The following GPC6 variants were observed in gnomAD, a reference collection of about 807,000 sequenced individuals.
GPC6 encodes glypican 6, also known as glypican-6.
Under a neutral mutation model 55.2 loss-of-function variants are expected in GPC6, and 14 were observed. The observed-to-expected ratio is 0.25, with a 90% CI of 0.17 to 0.40. The LOEUF is 0.40. GPC6 is among the 10% of genes least tolerant of loss of function. The pLI is 1.00. For missense variants in GPC6, 641 were observed against 708.5 expected (o/e 0.90, Z 1.08); for synonymous variants, 278 against 259.6 (o/e 1.07, Z -0.68).
At chr13:93,774,533 G>C (rs1013352604) in intron 2 of GPC6, among the ~76,000 whole-genome samples, 2 of 152,088 alleles carry the variant, frequency 1.3e-5, no homozygotes, top group Admixed American at 6.6e-5. Flanking sequence ...CTTAATGACA[G>C]AATTAGTAAA....
chr13:93,773,330 C>G (rs1391736067), intron 2 of GPC6, among the ~76,000 whole-genome samples: 1 of 152,076 alleles, frequency 6.6e-6, no homozygotes, highest in Non-Finnish European at 1.5e-5. Flanking sequence ...GCATATATGT[C>G]ATAATCTTAG....
At chr13:94,013,740 G>A (rs1882345135) in intron 3 of GPC6, among the ~76,000 whole-genome samples, 1 of 152,192 alleles carries the variant, frequency 6.6e-6, no homozygotes, top group Admixed American at 6.5e-5. Flanking sequence ...ACATAGGACT[G>A]GCAGGAACAG....
chr13:94,141,997 C>T lies in GPC6; in HGVS notation c.877+114103C>T, dbSNP rs183513616. ...GATGAAAACTGACCTTTTTTTTTTC[C>T]GTGTGTGTGTGTGTGATTCTGTATC... On this transcript the variant is annotated intron_variant, in intron 4 of 8. Transcript: ENST00000377047. 2.7e-3 allele frequency among the ~76,000 whole-genome samples: 402 copies of T among 149,300 alleles called. 2 individuals carry two copies. The highest frequency in any genetic ancestry group is 4.1e-3 in the Non-Finnish European group (274 of 67,198).
intron 1 of GPC6, among the ~76,000 whole-genome samples, chr13:93,544,514 C>T (rs1874652236): frequency 6.6e-6 from 1 of 152,178 alleles, no homozygotes; most frequent in African/African-American, 2.4e-5. Context: ...TGGAAATTCA[C>T]ATTTTATGCA....
chr13:93,525,291 C>T (rs1881603553), intron 1 of GPC6, among the ~76,000 whole-genome samples: 1 of 152,084 alleles, frequency 6.6e-6, no homozygotes, highest in South Asian at 2.1e-4. Context: ...CATTTGCTCT[C>T]CACTGTGCTT....
intron 3 of GPC6, among the ~76,000 whole-genome samples, chr13:93,940,742 G>A (rs988086828): frequency 2.6e-5 from 4 of 152,080 alleles, no homozygotes; most frequent in African/African-American, 7.2e-5. Flanking sequence ...TTAACTTCTA[G>A]GTAGAATAAA....
chr13:93,602,014 A>G (rs1240620633), intron 2 of GPC6, among the ~76,000 whole-genome samples: 1 of 152,210 alleles, frequency 6.6e-6, no homozygotes, highest in Non-Finnish European at 1.5e-5. Flanking sequence ...AGGTTTGGGA[A>G]AGTTAATGGC....
chr13:93,300,509 G>A (rs531204122), intron 1 of GPC6, among the ~76,000 whole-genome samples: 15 of 151,880 alleles, frequency 9.9e-5, no homozygotes, highest in South Asian at 2.1e-4. Context: ...TTAGCCGGGC[G>A]TGGTGGCGGG....
chr13:94,330,491 G>T (rs1877353418), intron 6 of GPC6, among the ~76,000 whole-genome samples: 1 of 152,190 alleles, frequency 6.6e-6, no homozygotes, highest in Non-Finnish European at 1.5e-5. Context: ...GCATGTCCTT[G>T]GGGTGCAGCC....
chr13:93,700,225 A>G (rs566361444), intron 2 of GPC6, among the ~76,000 whole-genome samples: 1 of 152,262 alleles, frequency 6.6e-6, no homozygotes, highest in East Asian at 1.9e-4. Context: ...TTATCCTAGC[A>G]CACTGGTCAG....
chr13:93,569,370 A>G (rs1854362690), intron 2 of GPC6, among the ~76,000 whole-genome samples: 2 of 152,172 alleles, frequency 1.3e-5, no homozygotes, highest in South Asian at 4.1e-4. Flanking sequence ...CTTAGTTTAC[A>G]CACTTGTCAC....
At chr13:93,986,825 T>C (rs1881052413) in intron 3 of GPC6, among the ~76,000 whole-genome samples, 1 of 152,206 alleles carries the variant, frequency 6.6e-6, no homozygotes, top group Non-Finnish European at 1.5e-5. Context: ...GTTAATATTT[T>C]ACATGCTATT....
chr13:93,418,112 T>G (rs1164628110), intron 1 of GPC6, among the ~76,000 whole-genome samples: 2 of 152,000 alleles, frequency 1.3e-5, no homozygotes, highest in Admixed American at 1.3e-4. Flanking sequence ...AATTTTTAAT[T>G]TTAGTATTTA....
chr13:93,531,336 A>G lies in GPC6; in HGVS notation c.161-13927A>G, dbSNP rs142039157. ...AGGCTTTATTTTAAGGAATTGGCTC[A>G]TGTGGTGTAAGACTGTGAGACTGGC... On this transcript the variant is annotated intron_variant, in intron 1 of 8. Coordinates refer to ENST00000377047, the MANE Select transcript of GPC6 (RefSeq NM_005708.5). Among the ~76,000 whole-genome samples the G allele has an allele frequency of 2.1e-3, 318 of 152,202 alleles. 1 individual carries two copies. The highest frequency in any genetic ancestry group is 4.4e-3 in the South Asian group (21 of 4,824).
chr13:93,830,239 T>C lies in GPC6; in HGVS notation c.405T>C (p.Asn135=). ...VRTYGMLYMQ[N]SEVFQDLFTE... is the part of the protein sequence containing the mutation. ...CCTATGGCATGCTGTACATGCAGAA[T>C]TCAGAAGTCTTCCAGGACCTCTTCA... The change falls in exon 3 of 9, where the codon AAT becomes AAC. Residue 135 remains asparagine, a synonymous_variant. Transcript: ENST00000377047. 1 of 1,610,296 alleles carries C rather than the reference T, an allele frequency of 6.2e-7. No individual in the cohort carries two copies. Among genetic ancestry groups the C allele is most frequent in the Non-Finnish European group, 8.5e-7 (1 of 1,177,374 alleles).
chr13:94,009,039 ATTGAG>A (rs1171314469), intron 3 of GPC6, among the ~76,000 whole-genome samples: 12 of 152,172 alleles, frequency 7.9e-5, no homozygotes, highest in Admixed American at 7.2e-4. Flanking sequence ...ATTCCTTCAG[ATTGAG>A]TTATCATTAC....
chr13:93,732,179 C>G (rs4638439), intron 2 of GPC6, among the ~76,000 whole-genome samples: 139,409 of 151,780 alleles, frequency 0.92, 64,157 homozygotes, highest in Admixed American at 0.96. Context: ...AAAGTGATGT[C>G]CACATGTCCC....
chr13:93,367,413 T>C (rs1297385989), intron 1 of GPC6, among the ~76,000 whole-genome samples: 6 of 152,100 alleles, frequency 3.9e-5, no homozygotes, highest in African/African-American at 1.2e-4. Context: ...TTTTGTTTCA[T>C]TGATAATTCT....
At chr13:94,062,067 T>C (rs1319202010) in intron 4 of GPC6, among the ~76,000 whole-genome samples, 1 of 152,152 alleles carries the variant, frequency 6.6e-6, no homozygotes, top group African/African-American at 2.4e-5. Flanking sequence ...CTGTGAAATT[T>C]AGTGTCACTC....
Sources: gnomAD v4.1 joint callset for allele counts (sites outside exome capture counted in the v4.1 genomes callset) on GRCh38, gnomAD v4.1.1 for gene constraint, MANE v1.5 for transcripts, NCBI Gene and HGNC (gene_info 2026-07-23, HGNC 2026-07-21) for gene names.